The following SHOC2 variants were observed in gnomAD, a reference collection of about 807,000 sequenced individuals.
The protein encoded by SHOC2 is SHOC2 leucine rich repeat scaffold protein.
In SHOC2, 4 loss-of-function variants were observed where a neutral mutation model predicts 50.2. That is an observed-to-expected ratio of 0.08 (90% confidence interval 0.04 to 0.18). The LOEUF is 0.18. Ranked by LOEUF, SHOC2 falls within the 10% of genes least tolerant of loss-of-function variation. The pLI is 1.00. For synonymous variants in SHOC2, 218 were observed against 244.5 expected, an observed-to-expected ratio of 0.89 and a Z score of 1.01; for missense variants, 388 against 669.6, an observed-to-expected ratio of 0.58 and a Z score of 4.64.
At position 111,007,515 on chromosome 10, in the gene SHOC2, T is replaced by G. The variant is rs376859485; in HGVS notation, c.1162-16T>G. The G allele has an allele frequency of 6.8e-5, 110 of 1,613,344 alleles. No individual in the cohort carries two copies. In the African/African-American group the frequency reaches 1.3e-3, roughly 19 times the overall value. On this transcript the variant is annotated splice_polypyrimidine_tract_variant and intron_variant, in intron 5 of 8. Coordinates refer to ENST00000369452, the MANE Select transcript of SHOC2 (RefSeq NM_007373.4). ...TTTGTGATTCTACCTTGGATGCTTCTTTTTGTCTTTGCCAGGACAATCAGT... is the reference window on the plus strand; with the variant it reads ...TTTGTGATTCTACCTTGGATGCTTCGTTTTGTCTTTGCCAGGACAATCAGT...
At position 111,013,394 on chromosome 10, in the gene SHOC2, CTGT is replaced by C. The variant is rs1848604843; in HGVS notation, c.*1581_*1583del. 2 of 151,124 alleles carry C rather than the reference CTGT, an allele frequency of 1.3e-5. No homozygotes were observed. Among genetic ancestry groups the C allele is most frequent in the South Asian group, 4.2e-4 (2 of 4,804 alleles). The allele number at this position is 151,124 out of a possible 1,614,324, so 9.4% of individuals were successfully genotyped here. A position where few individuals can be genotyped will look rare whatever the true frequency, so the allele number is the denominator to read the frequency against. On this transcript the variant is annotated 3_prime_UTR_variant, in exon 9 of 9. Coordinates refer to ENST00000369452, the MANE Select transcript of SHOC2 (RefSeq NM_007373.4). Reference sequence around the variant, plus strand: ...TATGATATTAAGATAGAAATTTGGACTGTTGTTCTGCTTTTCCTGGCACTCAAA... The same window carrying C: ...TATGATATTAAGATAGAAATTTGGACTGTTCTGCTTTTCCTGGCACTCAAA...
intron 2 of SHOC2, among the ~76,000 whole-genome samples, chr10:110,979,014 T>C (rs1847925438): frequency 6.6e-6 from 1 of 152,238 alleles, no homozygotes; most frequent in Admixed American, 6.5e-5. Context: ...CAATCATTTG[T>C]TATCTTATAG....
intron 2 of SHOC2, among the ~76,000 whole-genome samples, chr10:110,971,853 A>G (rs1847788614): frequency 2.0e-5 from 3 of 152,106 alleles, no homozygotes; most frequent in African/African-American, 7.2e-5. Flanking sequence ...CTATTGTGCA[A>G]TATGGAGGTG....
intron 3 of SHOC2, among the ~76,000 whole-genome samples, chr10:110,993,389 A>AT (rs765896722): frequency 6.6e-6 from 1 of 152,240 alleles, no homozygotes. Flanking sequence ...TTCATCCTTA[A>AT]TTTTTTTAAC....
chr10:110,921,598 A>G (rs1590769018), intron 1 of SHOC2, among the ~76,000 whole-genome samples: 2 of 152,176 alleles, frequency 1.3e-5, no homozygotes, highest in Admixed American at 1.3e-4. Context: ...TGAGATATTG[A>G]TACAGGCATA....
intron 1 of SHOC2, among the ~76,000 whole-genome samples, chr10:110,927,161 T>C (rs1013625881): frequency 6.6e-6 from 1 of 152,186 alleles, no homozygotes; most frequent in African/African-American, 2.4e-5. Flanking sequence ...GAAAATTAGG[T>C]TGAAAGTCAT....
At chr10:110,928,906 G>T (rs1435407927) in intron 1 of SHOC2, among the ~76,000 whole-genome samples, 1 of 152,082 alleles carries the variant, frequency 6.6e-6, no homozygotes, top group Admixed American at 6.6e-5. Context: ...AAAAAAGTCA[G>T]CTGTATAACT....
At chr10:110,999,850 A>T (rs17128254) in intron 3 of SHOC2, among the ~76,000 whole-genome samples, 2 of 152,012 alleles carry the variant, frequency 1.3e-5, no homozygotes, top group African/African-American at 4.8e-5. Context: ...AAAAGAGACT[A>T]TAACTTTCAC....
chr10:110,958,778 T>A (rs1192806755), intron 1 of SHOC2, among the ~76,000 whole-genome samples: 1 of 152,138 alleles, frequency 6.6e-6, no homozygotes, highest in African/African-American at 2.4e-5. Flanking sequence ...TCCACCTGAT[T>A]TAAGCCGGCT....
chr10:110,980,679 T>C (rs758185917), intron 2 of SHOC2, among the ~76,000 whole-genome samples: 8 of 152,192 alleles, frequency 5.3e-5, no homozygotes, highest in Non-Finnish European at 1.0e-4. Context: ...CTGGTCAAAA[T>C]GGTCTAGATT....
rs1482109220 is a variant in SHOC2 at position 111,011,915 on chromosome 10, C to A, written c.*97C>A. 1.2e-5 allele frequency: 12 copies of A among 986,974 alleles called. No homozygotes were observed. The African/African-American group carries it at 1.8e-4, about 15-fold the overall frequency. 61.1% of individuals were successfully genotyped at this position (986,974 alleles called of 1,614,324 possible). ...TATTTATGTAGATATTGGTATATGG[C>A]AGATTTATAAAAATTGCATTATGTG... On this transcript the variant is annotated 3_prime_UTR_variant, in exon 9 of 9. Coordinates refer to ENST00000369452, the MANE Select transcript of SHOC2 (RefSeq NM_007373.4).
chr10:110,971,530 T>A (rs1847782607), intron 2 of SHOC2, among the ~76,000 whole-genome samples: 1 of 152,146 alleles, frequency 6.6e-6, no homozygotes, highest in African/African-American at 2.4e-5. Flanking sequence ...CTTTGGCTAT[T>A]TAGAGTCTTC....
chr10:111,008,388 G>T (rs775141079), intron 6 of SHOC2, among the ~76,000 whole-genome samples: 20 of 151,610 alleles, frequency 1.3e-4, no homozygotes, highest in South Asian at 4.2e-4. Flanking sequence ...AAATAGTATG[G>T]TTTAATGGCT....
intron 3 of SHOC2, among the ~76,000 whole-genome samples, chr10:110,990,683 C>T (rs886201744): frequency 2.0e-5 from 3 of 151,930 alleles, no homozygotes; most frequent in African/African-American, 7.3e-5. Context: ...GCAACCCACT[C>T]GGGTCCCCTT....
intron 2 of SHOC2, among the ~76,000 whole-genome samples, chr10:110,972,045 G>A (rs190000678): frequency 6.6e-6 from 1 of 151,486 alleles, no homozygotes; most frequent in African/African-American, 2.4e-5. Context: ...ACATTAAGTG[G>A]TAGGCTTTCA....
chr10:110,977,933 G>A (rs149681029), intron 2 of SHOC2, among the ~76,000 whole-genome samples: 36 of 152,276 alleles, frequency 2.4e-4, no homozygotes, highest in Non-Finnish European at 4.7e-4. Flanking sequence ...ATGCAGATAA[G>A]AATTTAGGCA....
intron 2 of SHOC2, among the ~76,000 whole-genome samples, chr10:110,977,844 A>G (rs1039407514): frequency 6.6e-6 from 1 of 152,148 alleles, no homozygotes; most frequent in Non-Finnish European, 1.5e-5. Flanking sequence ...ACTATTCACA[A>G]CCTTGTGTGA....
At chr10:110,977,132 C>T (rs1414072994) in intron 2 of SHOC2, among the ~76,000 whole-genome samples, 1 of 152,110 alleles carries the variant, frequency 6.6e-6, no homozygotes, top group Non-Finnish European at 1.5e-5. Context: ...ATATGGAGCT[C>T]ATTGTTTAAC....
At chr10:110,986,217 T>A (rs1362113918) in intron 3 of SHOC2, among the ~76,000 whole-genome samples, 2 of 152,226 alleles carry the variant, frequency 1.3e-5, no homozygotes, top group Non-Finnish European at 2.9e-5. Context: ...AGCAAGGAGA[T>A]GACTTGAAGT....
Sources: allele counts gnomAD v4.1 joint callset (sites outside exome capture counted in the v4.1 genomes callset), GRCh38; gene constraint gnomAD v4.1.1; transcripts MANE v1.5; gene names NCBI Gene and HGNC (gene_info 2026-07-23, HGNC 2026-07-21).